DHRSX: variants seen among roughly 807,000 people sequenced by gnomAD.
DHRSX encodes the protein polyprenol dehydrogenase.
DHRSX carries 31 observed loss-of-function variants against 34.0 expected under a neutral mutation model. The ratio of observed to expected loss-of-function variants is 0.91; its 90% CI spans 0.69 to 1.23. DHRSX has a LOEUF of 1.23. DHRSX is among the 50% of genes most tolerant of loss of function. The pLI is 0.00. For missense variants in DHRSX, 414 were observed against 428.1 expected (o/e 0.97, Z 0.29); for synonymous variants, 201 against 183.8 (o/e 1.09, Z -0.76).
intron 3 of DHRSX, among the ~76,000 whole-genome samples, chrX:2,356,204 T>C (rs1297051394): frequency 6.6e-6 from 1 of 151,728 alleles, no homozygotes; most frequent in Non-Finnish European, 1.5e-5. Context: ...GGTGAAACAC[T>C]GTCATACTAA....
chrX:2,242,903 C>T (rs898644156), intron 6 of DHRSX, 120 bp downstream of exon 6: 14 of 928,406 alleles, frequency 1.5e-5, no homozygotes, highest in Admixed American at 2.5e-5. Flanking sequence ...ACCACTGAGC[C>T]GTCCTGAATT....
At chrX:2,456,847 C>T (rs1159699592) in intron 1 of DHRSX, among the ~76,000 whole-genome samples, 3 of 152,010 alleles carry the variant, frequency 2.0e-5, no homozygotes, top group African/African-American at 4.8e-5. Flanking sequence ...GATCTGAGTG[C>T]GGCTGGGGAG....
At chrX:2,295,697 T>C (rs2124496214) in intron 3 of DHRSX, among the ~76,000 whole-genome samples, 1 of 152,290 alleles carries the variant, frequency 6.6e-6, no homozygotes, top group Non-Finnish European at 1.5e-5. Flanking sequence ...GCTGAGTCTG[T>C]GTTATTTTGT....
At chrX:2,490,152 C>T in intron 1 of DHRSX, 12 of 1,613,940 alleles carry the variant, frequency 7.4e-6, no homozygotes, top group South Asian at 1.1e-5. Flanking sequence ...CAGGTGGCCT[C>T]GGCCAGCTCC....
At chrX:2,272,071 C>G (rs776593381) in intron 4 of DHRSX, among the ~76,000 whole-genome samples, 5 of 151,760 alleles carry the variant, frequency 3.3e-5, no homozygotes, top group African/African-American at 1.2e-4. Flanking sequence ...CTGTCTGTTT[C>G]TTGCAGCACA....
At position 2,317,256 on chromosome X, in the gene DHRSX, C is replaced by CTTTTTTTTTTTTTTT. The variant is rs779722860; in HGVS notation, c.287-25654_287-25653insAAAAAAAAAAAAAAA. Among the ~76,000 whole-genome samples the CTTTTTTTTTTTTTTT allele has an allele frequency of 5.7e-5, 5 of 87,430 alleles. 2 individuals are homozygous for CTTTTTTTTTTTTTTT. The highest frequency in any genetic ancestry group is 1.1e-4 in the Non-Finnish European group (5 of 46,860). The allele number at this position is 87,430 out of a possible 152,430, so 57.4% of individuals were successfully genotyped here. A position where few individuals can be genotyped will look rare whatever the true frequency, so the allele number is the denominator to read the frequency against. The stretch of plus-strand genomic sequence containing the variant: ...TACAGGCGTGAGCCACCGCGCCTGG[C>CTTTTTTTTTTTTTTT]TTTTTTTTTTTTTGAGACAGAGTCT... On this transcript the variant is annotated intron_variant, in intron 3 of 6. Coordinates refer to ENST00000334651, the MANE Select transcript of DHRSX (RefSeq NM_145177.3).
intron 3 of DHRSX, among the ~76,000 whole-genome samples, chrX:2,304,061 A>ATGGG (rs780029563): frequency 1.1e-5 from 1 of 89,124 alleles, no homozygotes; most frequent in Non-Finnish European, 2.6e-5. Context: ...GGATGGATGG[A>ATGGG]TGGGTGGATG....
At chrX:2,242,883 TTC>T in intron 6 of DHRSX, 138 bp downstream of exon 6, 1 of 775,438 alleles carries the variant, frequency 1.3e-6, no homozygotes, top group Middle Eastern at 3.7e-4. Context: ...AATAACTTGC[TTC>T]TCTTTCCACC....
intron 5 of DHRSX, among the ~76,000 whole-genome samples, chrX:2,259,379 TATATATAGATATATAG>T (rs1201000420): frequency 4.5e-5 from 3 of 67,358 alleles, no homozygotes; most frequent in African/African-American, 1.5e-4. Flanking sequence ...TATATAGATA[TATATATAGATATATAG>T]ATATATATAT....
chrX:2,282,626 GAAGA>G (rs1569483457), intron 4 of DHRSX, among the ~76,000 whole-genome samples: 21 of 126,646 alleles, frequency 1.7e-4, no homozygotes, highest in African/African-American at 3.9e-4. Flanking sequence ...GGGAGGGAGA[GAAGA>G]AGGGAAAGGG....
chrX:2,267,026 G>A (rs758235536), intron 4 of DHRSX, 79 bp from the exon 5 acceptor site: 127 of 1,454,316 alleles, frequency 8.7e-5, no homozygotes, highest in East Asian at 1.1e-4. Flanking sequence ...CCCCAGATGC[G>A]CAAATGGCCC....
At chrX:2,240,946 G>A (rs999493952) in intron 6 of DHRSX, among the ~76,000 whole-genome samples, 10 of 152,136 alleles carry the variant, frequency 6.6e-5, no homozygotes, top group African/African-American at 2.2e-4. Context: ...TCGGGAGACC[G>A]AGGCGGGCAG....
At chrX:2,331,438 T>TTTTTG (rs2042473123) in intron 3 of DHRSX, among the ~76,000 whole-genome samples, 1 of 56,596 alleles carries the variant, frequency 1.8e-5, no homozygotes. Flanking sequence ...GTTTTTTGGT[T>TTTTTG]TTTTTTTTTT....
chrX:2,254,936 C>T (rs1258968418), intron 5 of DHRSX, among the ~76,000 whole-genome samples: 1 of 147,632 alleles, frequency 6.8e-6, no homozygotes, highest in African/African-American at 2.5e-5. Context: ...AGCCACTGTG[C>T]CTGCCCCACG....
At chrX:2,313,556 A>T (rs2124520721) in intron 3 of DHRSX, among the ~76,000 whole-genome samples, 1 of 151,914 alleles carries the variant, frequency 6.6e-6, no homozygotes, top group East Asian at 1.9e-4. Flanking sequence ...TTTAGTAGAG[A>T]CAGGGTTTCA....
chrX:2,314,255 G>T (rs1322037806), intron 3 of DHRSX, among the ~76,000 whole-genome samples: 3 of 49,764 alleles, frequency 6.0e-5, no homozygotes, highest in African/African-American at 9.3e-5. Context: ...AGGGAGGGAA[G>T]GAGGGAATGA....
At chrX:2,260,736 C>G (rs1001000334) in intron 5 of DHRSX, among the ~76,000 whole-genome samples, 1 of 152,108 alleles carries the variant, frequency 6.6e-6, no homozygotes, top group African/African-American at 2.4e-5. Flanking sequence ...GCTGGGATGA[C>G]AGGCATGAGC....
intron 3 of DHRSX, among the ~76,000 whole-genome samples, chrX:2,356,637 C>T (rs1050641689): frequency 6.6e-6 from 1 of 152,120 alleles, no homozygotes; most frequent in African/African-American, 2.4e-5. Context: ...TTTTCTTCTG[C>T]CTCTGCCACC....
At chrX:2,350,130 G>A (rs750150852) in intron 3 of DHRSX, among the ~76,000 whole-genome samples, 1 of 152,262 alleles carries the variant, frequency 6.6e-6, no homozygotes, top group East Asian at 1.9e-4. Context: ...CAGATCACTT[G>A]CAGTTAGTTA....
Sources: allele counts gnomAD v4.1 joint callset (sites outside exome capture counted in the v4.1 genomes callset), GRCh38; gene constraint gnomAD v4.1.1; transcripts MANE v1.5; gene names NCBI Gene and HGNC (gene_info 2026-07-23, HGNC 2026-07-21).